Variants in DENND2B observed in about 807,000 individuals in gnomAD.
DENND2B encodes the protein DENN domain-containing protein 2B.
In DENND2B, 32 loss-of-function variants were observed where a neutral mutation model predicts 116.0. The ratio of observed to expected loss-of-function variants is 0.28; its 90% CI spans 0.21 to 0.37. DENND2B has a LOEUF of 0.37. DENND2B is among the 10% of genes least tolerant of loss of function. DENND2B has a pLI of 1.00. For synonymous variants in DENND2B, 588 were observed against 583.9 expected (o/e 1.01, Z -0.10); for missense variants, 1,276 against 1,477.7 (o/e 0.86, Z 2.24).
At chr11:8,797,735 C>A (rs1433618574) in intron 1 of DENND2B, among the ~76,000 whole-genome samples, 1 of 152,068 alleles carries the variant, frequency 6.6e-6, no homozygotes, top group African/African-American at 2.4e-5. Context: ...CAGGCATGAG[C>A]CACCATGCCC....
chr11:8,872,638 C>T (rs2063801112), upstream of DENND2B, among the ~76,000 whole-genome samples: 1 of 152,132 alleles, frequency 6.6e-6, no homozygotes, highest in South Asian at 2.1e-4. Context: ...AGTATTAACT[C>T]TTTGTCTCCA....
Position 8,746,362 on chromosome 11 carries a change from T to C in DENND2B, c.80+4259A>G, listed in dbSNP as rs188227489. ...TTGAAATTAGGGCTCCACTGCCAAT[T>C]AGCTGTGTGGGCTTACAGGTTCCTC... On this transcript the variant is annotated intron_variant, in intron 2 of 19. Coordinates refer to ENST00000313726, the MANE Select transcript of DENND2B (RefSeq NM_213618.2). Among the ~76,000 whole-genome samples the C allele has an allele frequency of 6.2e-4, 95 of 152,322 alleles. 1 individual carries two copies. The highest frequency in any genetic ancestry group is 1.8e-3 in the Admixed American group (27 of 15,302).
chr11:8,839,224 G>A (rs1164466863), intron 4 of DENND2B: 1 of 152,166 alleles, frequency 6.6e-6, no homozygotes, highest in East Asian at 1.9e-4. Context: ...CAAGGGACCC[G>A]AACAAGGATC....
At chr11:8,816,543 T>C (rs1312836058) in intron 4 of DENND2B, among the ~76,000 whole-genome samples, 2 of 138,468 alleles carry the variant, frequency 1.4e-5, no homozygotes, top group Admixed American at 7.5e-5. Context: ...AGAGCAAAAC[T>C]GTGTCTCAAA....
intron 4 of DENND2B, among the ~76,000 whole-genome samples, chr11:8,828,948 T>C (rs1347386715): frequency 6.6e-6 from 1 of 151,180 alleles, no homozygotes; most frequent in African/African-American, 2.4e-5. Flanking sequence ...AAAGTGTGTG[T>C]GTGTGGGGTG....
chr11:8,879,369 T>C (rs2063878215), intron 2 of DENND2B, among the ~76,000 whole-genome samples: 2 of 152,230 alleles, frequency 1.3e-5, no homozygotes, highest in African/African-American at 4.8e-5. Context: ...AATATCCTCA[T>C]TGTCTTAAGC....
At chr11:8,821,192 A>G (rs2061749726) in intron 4 of DENND2B, among the ~76,000 whole-genome samples, 1 of 151,766 alleles carries the variant, frequency 6.6e-6, no homozygotes, top group South Asian at 2.1e-4. Flanking sequence ...ACTACTATAA[A>G]CCACAAACTG....
At chr11:8,767,569 T>C (rs1244344118) in intron 1 of DENND2B, among the ~76,000 whole-genome samples, 6 of 152,168 alleles carry the variant, frequency 3.9e-5, no homozygotes, top group Admixed American at 1.3e-4. Flanking sequence ...AACTGGCACA[T>C]AATTGGAGCT....
At chr11:8,789,753 CACA>C (rs138714829) in intron 1 of DENND2B, among the ~76,000 whole-genome samples, 31,811 of 151,188 alleles carry the variant, frequency 0.21, 3,464 homozygotes, top group South Asian at 0.34. Context: ...GCCTGGGCAA[CACA>C]ACAAGAGCCC....
At chr11:8,863,498 G>T (rs961504057) in intron 2 of DENND2B, among the ~76,000 whole-genome samples, 1 of 152,030 alleles carries the variant, frequency 6.6e-6, no homozygotes, top group African/African-American at 2.4e-5. Context: ...CTCCTAAAGT[G>T]CTGGGATTAC....
chr11:8,889,777 A>C (rs1467351029), intron 1 of DENND2B, among the ~76,000 whole-genome samples: 2 of 152,206 alleles, frequency 1.3e-5, no homozygotes, highest in African/African-American at 4.8e-5. Context: ...ACCGCAGCTC[A>C]AGGAGGCCTG....
intron 1 of DENND2B, among the ~76,000 whole-genome samples, chr11:8,908,902 A>T (rs879436330): frequency 3.3e-5 from 5 of 152,190 alleles, no homozygotes; most frequent in Admixed American, 2.6e-4. Context: ...AAGTCTATGG[A>T]GCACTTATCT....
chr11:8,749,736 T>C (rs2051999525), intron 2 of DENND2B, among the ~76,000 whole-genome samples: 1 of 152,238 alleles, frequency 6.6e-6, no homozygotes, highest in African/African-American at 2.4e-5. Flanking sequence ...CTAAGCATCC[T>C]TCTCATAGCT....
At chr11:8,726,429 C>T (rs1011880096) in intron 3 of DENND2B, 39 of 488,440 alleles carry the variant, frequency 8.0e-5, no homozygotes, top group African/African-American at 5.8e-4. Flanking sequence ...TGAATAATAC[C>T]GCTATTAGAT....
intron 1 of DENND2B, among the ~76,000 whole-genome samples, chr11:8,775,124 G>C (rs959333896): frequency 1.3e-5 from 2 of 151,862 alleles, no homozygotes; most frequent in African/African-American, 4.8e-5. Flanking sequence ...CAAGTGACCC[G>C]CCCGCCTTGA....
At chr11:8,798,679 G>C (rs1432606051) in intron 1 of DENND2B, among the ~76,000 whole-genome samples, 1 of 152,038 alleles carries the variant, frequency 6.6e-6, no homozygotes, top group Non-Finnish European at 1.5e-5. Context: ...AAGCAGAATA[G>C]GCACCTACAT....
intron 4 of DENND2B, among the ~76,000 whole-genome samples, chr11:8,819,392 T>C (rs1052916226): frequency 5.3e-5 from 8 of 151,938 alleles, no homozygotes; most frequent in Non-Finnish European, 8.8e-5. Flanking sequence ...GAGTGAGACC[T>C]TGTCTCAAAA....
rs2270958 is a variant in DENND2B at position 8,699,068 on chromosome 11, C to G, written c.2899-94G>C. The G allele has an allele frequency of 1.0e-3, 1,560 of 1,566,472 alleles. 8 individuals are homozygous for G. Among genetic ancestry groups the G allele is most frequent in the Middle Eastern group, 9.1e-3 (49 of 5,400 alleles). ...AGACCTCCCAGGTTCCCAGGGTCAG[C>G]TAACAGGAAGTACTCCAGCCGGGGA... On this transcript the variant is annotated intron_variant, in intron 15 of 19. Coordinates refer to ENST00000313726, the MANE Select transcript of DENND2B (RefSeq NM_213618.2).
intron 4 of DENND2B, chr11:8,718,096 ACCCCCCCAC>A (rs1185650471): frequency 7.0e-5 from 5 of 71,202 alleles, no homozygotes; most frequent in East Asian, 5.1e-4. Context: ...AAGCAGACCC[ACCCCCCCAC>A]CCCCCCCAAC....
Sources: allele counts gnomAD v4.1 joint callset (sites outside exome capture counted in the v4.1 genomes callset), GRCh38; gene constraint gnomAD v4.1.1; transcripts MANE v1.5; gene names NCBI Gene and HGNC (gene_info 2026-07-23, HGNC 2026-07-21).